SMARCA5: variants seen among roughly 807,000 people sequenced by gnomAD.
SMARCA5 encodes the protein SWI/SNF-related matrix-associated actin-dependent regulator of chromatin subfamily A member 5.
Under a neutral mutation model 140.4 loss-of-function variants are expected in SMARCA5, and 18 were observed. That is an observed-to-expected ratio of 0.13 (90% CI 0.09 to 0.19). SMARCA5 has a LOEUF of 0.19. Among genes scored for constraint, SMARCA5 ranks in the 10% least tolerant of loss-of-function variants. SMARCA5 has a pLI of 1.00. For missense variants in SMARCA5, 606 were observed against 1,276.8 expected (o/e 0.47, Z 8.01); for synonymous variants, 449 against 419.6 (o/e 1.07, Z -0.86).
rs1192719730 is a variant in SMARCA5 at position 143,530,512 on chromosome 4, G to A, written c.1144G>A (p.Glu382Lys). ...NNCLGDQKLV[E>K]RLHMVLRPFL... ...CTGCCTTGGGGATCAAAAACTAGTTGAGAGGCTTCATATGGTAAGTATTTT... is the reference window on the plus strand; with the variant it reads ...CTGCCTTGGGGATCAAAAACTAGTTAAGAGGCTTCATATGGTAAGTATTTT... The change falls in exon 9 of 24, where the codon GAG (glutamate) becomes AAG (lysine). Residue 382 changes from glutamate to lysine, a missense_variant. Glu to Lys is a moderately conservative substitution (Grantham distance 56, BLOSUM62 1). Transcript: ENST00000283131. 6.2e-7 allele frequency: 1 copy of A among 1,610,806 alleles called. No individual in the cohort carries two copies.
chr4:143,530,544 G>A lies in SMARCA5; in HGVS notation c.1158+18G>A. ...TTCATATGGTAAGTATTTTGGAGTA[G>A]TGTTAAAGCATATTTATGATGGGAA... is the stretch of plus-strand genomic sequence containing the variant. On this transcript the variant is annotated intron_variant, in intron 9 of 23. Coordinates refer to ENST00000283131, the MANE Select transcript of SMARCA5 (RefSeq NM_003601.4). 5 of 1,540,148 alleles carry A rather than the reference G, an allele frequency of 3.2e-6. No individual in the cohort carries two copies. The highest frequency in any genetic ancestry group is 4.5e-6 in the Non-Finnish European group (5 of 1,119,346).
intron 22 of SMARCA5, 184 bp downstream of exon 22, chr4:143,548,324 C>G (rs186770154): frequency 2.3e-6 from 1 of 429,272 alleles, no homozygotes; most frequent in Non-Finnish European, 4.2e-6. Context: ...TAGTATCTTA[C>G]GTCTTTAAAT....
At position 143,530,388 on chromosome 4, in the gene SMARCA5, A is replaced by G. The variant is rs571580058; in HGVS notation, c.1090-70A>G. On this transcript the variant is annotated intron_variant, in intron 8 of 23. Coordinates refer to ENST00000283131, the MANE Select transcript of SMARCA5 (RefSeq NM_003601.4). ...ATTACTAATTCTAGAAATCATTTCT[A>G]TATCTGGTATTATAGGGTATTTGTT... 907 of 927,290 alleles carry G rather than the reference A, an allele frequency of 9.8e-4. 9 individuals carry two copies. Among genetic ancestry groups the G allele is most frequent in the African/African-American group, 2.9e-3 (174 of 59,228 alleles). 57.4% of individuals were successfully genotyped at this position (927,290 alleles called of 1,614,324 possible). A position where few individuals can be genotyped will look rare whatever the true frequency, so the allele number is the denominator to read the frequency against.
intron 9 of SMARCA5, among the ~76,000 whole-genome samples, chr4:143,530,948 T>A (rs1016987482): frequency 6.6e-6 from 1 of 152,186 alleles, no homozygotes; most frequent in Non-Finnish European, 1.5e-5. Flanking sequence ...CTAGAGTAGC[T>A]GGGGCTACAG....
intron 2 of SMARCA5, among the ~76,000 whole-genome samples, chr4:143,518,358 A>G (rs1367635454): frequency 6.6e-6 from 1 of 152,186 alleles, no homozygotes; most frequent in Non-Finnish European, 1.5e-5. Flanking sequence ...GGAATGCTTT[A>G]TATGGATTAA....
intron 22 of SMARCA5, among the ~76,000 whole-genome samples, chr4:143,548,921 AT>A (rs1376586986): frequency 3.3e-5 from 5 of 151,976 alleles, no homozygotes; most frequent in Admixed American, 2.6e-4. Flanking sequence ...ACCACTGAAA[AT>A]TTTTTTTCAC....
At chr4:143,519,711 A>G (rs557312428) in intron 2 of SMARCA5, among the ~76,000 whole-genome samples, 44 of 152,274 alleles carry the variant, frequency 2.9e-4, no homozygotes, top group Middle Eastern at 3.4e-3. Flanking sequence ...TCTTGAACCC[A>G]GAATGCTGAG....
chr4:143,528,479 C>G (rs938950370), intron 7 of SMARCA5, 104 bp from the exon 8 acceptor site: 2 of 919,324 alleles, frequency 2.2e-6, no homozygotes, highest in South Asian at 1.8e-5. Context: ...TTTCTTTAAC[C>G]GGTCTATCAT....
chr4:143,546,085 T>C, intron 19 of SMARCA5, 38 bp downstream of exon 19: 1 of 1,519,282 alleles, frequency 6.6e-7, no homozygotes, highest in Non-Finnish European at 8.9e-7. Flanking sequence ...AGTAACAGTT[T>C]GTTGTAAAGG....
At chr4:143,537,427 A>G (rs1737333569) in intron 11 of SMARCA5, among the ~76,000 whole-genome samples, 2 of 152,210 alleles carry the variant, frequency 1.3e-5, no homozygotes, top group African/African-American at 4.8e-5. Context: ...AATCTCCTCT[A>G]TGATACTATC....
At position 143,549,083 on chromosome 4, in the gene SMARCA5, A is replaced by G. The variant is rs934972154; in HGVS notation, c.2986-914A>G. Reference sequence around the variant, plus strand: ...ATTTCTTCTTAAGTGGGAACAATTTATAGAGTTAATAAAGAATAATTTTAT... The same window carrying G: ...ATTTCTTCTTAAGTGGGAACAATTTGTAGAGTTAATAAAGAATAATTTTAT... On this transcript the variant is annotated intron_variant, in intron 22 of 23. Transcript: ENST00000283131. Among the ~76,000 whole-genome samples, 9 of 152,158 alleles carry G rather than the reference A, an allele frequency of 5.9e-5. 1 individual carries two copies. Among genetic ancestry groups the G allele is most frequent in the African/African-American group, 1.9e-4 (8 of 41,468 alleles).
rs773372437 is a variant in SMARCA5 at position 143,521,519 on chromosome 4, A to G, written c.343A>G (p.Thr115Ala). The G allele has an allele frequency of 7.4e-6, 12 of 1,613,698 alleles. No homozygotes were observed. The highest frequency in any genetic ancestry group is 2.2e-5 in the East Asian group (1 of 44,870). The change falls in exon 3 of 24, where the codon ACT becomes GCT. Residue 115 changes from threonine to alanine, a missense_variant. This residue lies in a region of SMARCA5 where 110 missense variants were observed against 287.7 expected (regional missense o/e 0.38). Coordinates refer to ENST00000283131, the MANE Select transcript of SMARCA5 (RefSeq NM_003601.4). ...TCAACCTGCTGCTCAGAAGACTCCA[A>G]CTTCACCTTTGAAGATGAAACCAGG... ...FIQPAAQKTP[T>A]SPLKMKPGRP...
At chr4:143,545,439 A>G (rs1338971617) in intron 17 of SMARCA5, 31 bp from the exon 18 acceptor site, 2 of 1,405,266 alleles carry the variant, frequency 1.4e-6, no homozygotes, top group Non-Finnish European at 1.0e-6. Context: ...TTTCTTTTTT[A>G]TGGATAACAC....
chr4:143,521,816 G>A (rs1360408509), intron 3 of SMARCA5, among the ~76,000 whole-genome samples: 1 of 149,360 alleles, frequency 6.7e-6, no homozygotes, highest in Non-Finnish European at 1.5e-5. Flanking sequence ...CAGCATTTTG[G>A]GACGCCAAGG....
At chr4:143,550,245 T>C (rs2323132) in intron 23 of SMARCA5, 141 bp downstream of exon 23, 16 of 380,064 alleles carry the variant, frequency 4.2e-5, no homozygotes, top group African/African-American at 1.1e-4. Flanking sequence ...TTTTTTTTTT[T>C]CCTTAAGGGA....
intron 9 of SMARCA5, among the ~76,000 whole-genome samples, chr4:143,534,042 C>G (rs1486776158): frequency 6.6e-6 from 1 of 152,118 alleles, no homozygotes; most frequent in Non-Finnish European, 1.5e-5. Context: ...TCAATAAACA[C>G]CGTTTTCCCA....
chr4:143,524,270 G>A (rs1392247110), intron 3 of SMARCA5, 97 bp from the exon 4 acceptor site: 5 of 702,548 alleles, frequency 7.1e-6, no homozygotes, highest in Non-Finnish European at 1.2e-5. Flanking sequence ...ATTTAATTTT[G>A]TGGAATCTTG....
At position 143,555,254 on chromosome 4, in the gene SMARCA5, A is replaced by C. The variant is rs1263416060; in HGVS notation, c.*2070A>C. ...AAAGTTTCCTCCCTTCATGGGTCCA[A>C]AATTTGAAGACTGATTGTTGTCATT... is the stretch of plus-strand genomic sequence containing the variant. On this transcript the variant is annotated 3_prime_UTR_variant, in exon 24 of 24. Coordinates refer to ENST00000283131, the MANE Select transcript of SMARCA5 (RefSeq NM_003601.4). The C allele has an allele frequency of 3.5e-6, 3 of 860,492 alleles. No homozygotes were observed. In the Admixed American group the frequency reaches 5.2e-5, roughly 15 times the overall value. 53.3% of individuals were successfully genotyped at this position (860,492 alleles called of 1,614,324 possible).
At position 143,545,495 on chromosome 4, in the gene SMARCA5, A is replaced by G. The variant is rs781165221; in HGVS notation, c.2309A>G (p.Asn770Ser). The G allele has an allele frequency of 8.7e-6, 14 of 1,612,616 alleles. No individual in the cohort carries two copies. The highest frequency in any genetic ancestry group is 4.5e-5 in the East Asian group (2 of 44,838). Residue 770 changes from asparagine (N) to serine (S), a missense_variant, in exon 18 of 24, where the codon AAT (asparagine) becomes AGT (serine). By Grantham distance (46) the Asn-to-Ser change is conservative (BLOSUM62 1). This residue lies in a region of SMARCA5 where 62 missense variants were observed against 256.6 expected (regional missense o/e 0.24). Transcript: ENST00000283131. The stretch of plus-strand genomic sequence containing the variant: ...GCTCCTCGACCTCCAAAACAACCCA[A>G]TGTTCAGGATTTCCAGTTCTTTCCT... ...PKAPRPPKQP[N>S]VQDFQFFPPR... is the part of the protein sequence containing the mutation.
Sources: allele counts gnomAD v4.1 joint callset (sites outside exome capture counted in the v4.1 genomes callset), GRCh38; gene constraint gnomAD v4.1.1; regional missense constraint gnomAD v4.1.1; transcripts MANE v1.5; gene names NCBI Gene and HGNC (gene_info 2026-07-23, HGNC 2026-07-21).